The following HTR4 variants were observed in gnomAD, a reference collection of about 807,000 sequenced individuals.
HTR4 encodes the protein 5-hydroxytryptamine receptor 4.
A neutral mutation model predicts 36.8 loss-of-function variants in HTR4; 16 were observed. The observed-to-expected ratio is 0.43, with a 90% CI of 0.29 to 0.66. The LOEUF (loss-of-function observed/expected upper bound fraction) is 0.66, where lower values mean the gene tolerates loss of function less well. Ranked by LOEUF, HTR4 falls within the 30% of genes least tolerant of loss-of-function variation. The probability of loss-of-function intolerance (pLI) is 0.13; values close to 1 mark genes in which losing one functional copy is unlikely to be tolerated. For synonymous variants in HTR4, 189 were observed against 185.1 expected, an observed-to-expected ratio of 1.02 and a Z score of -0.17; for missense variants, 438 against 490.9, an observed-to-expected ratio of 0.89 and a Z score of 1.02.
intron 6 of HTR4, among the ~76,000 whole-genome samples, chr5:148,498,548 G>C (rs1317465222): frequency 6.6e-6 from 1 of 152,080 alleles, no homozygotes; most frequent in Non-Finnish European, 1.5e-5. Flanking sequence ...TAGAGAAGAG[G>C]AAGCCATAGT....
chr5:148,633,190 T>C (rs1753387696), intron 2 of HTR4, among the ~76,000 whole-genome samples: 1 of 152,094 alleles, frequency 6.6e-6, no homozygotes, highest in East Asian at 1.9e-4. Flanking sequence ...AGGGCCTGAT[T>C]CACTGCCAGC....
intron 5 of HTR4, among the ~76,000 whole-genome samples, chr5:148,520,466 G>C (rs1316003152): frequency 6.6e-6 from 1 of 152,118 alleles, no homozygotes; most frequent in African/African-American, 2.4e-5. Context: ...CACTTCCAAA[G>C]ATCTTCTCCA....
At chr5:148,609,121 C>T (rs1405679276) in intron 2 of HTR4, among the ~76,000 whole-genome samples, 1 of 151,978 alleles carries the variant, frequency 6.6e-6, no homozygotes. Flanking sequence ...GAGTGGGGAC[C>T]CCCTCGTTGC....
At chr5:148,653,912 C>T (rs2127322944) in intron 1 of HTR4, 150 bp downstream of exon 1, 1 of 326,218 alleles carries the variant, frequency 3.1e-6, no homozygotes, top group Non-Finnish European at 4.4e-6. Context: ...CCCTGAGCCG[C>T]CCCGAAGCCC....
intron 5 of HTR4, among the ~76,000 whole-genome samples, chr5:148,514,536 T>C (rs574780312): frequency 6.8e-4 from 104 of 152,286 alleles, no homozygotes; most frequent in Admixed American, 3.1e-3. Context: ...GTCATCAACC[T>C]TCTCTAGAAA....
At chr5:148,631,008 T>C (rs1753303109) in intron 2 of HTR4, among the ~76,000 whole-genome samples, 1 of 152,184 alleles carries the variant, frequency 6.6e-6, no homozygotes, top group South Asian at 2.1e-4. Context: ...TAGGATCACG[T>C]ATATGTAGAA....
rs756001193 is a variant in HTR4, at chr5:148,491,322, AT to A, written c.1077-8030del. ...TCAGTCGCCTTCTACGGCGCTATATATTTTTTTTTTTTTGGTCTTGCCTTAA... is the reference window on the plus strand; with the variant it reads ...TCAGTCGCCTTCTACGGCGCTATATATTTTTTTTTTTTGGTCTTGCCTTAA... On this transcript the variant is annotated intron_variant, in intron 6 of 6. Transcript: ENST00000377888. 2.1e-3 allele frequency among the ~76,000 whole-genome samples: 304 copies of A among 146,834 alleles called. 1 individual carries two copies. Among genetic ancestry groups the A allele is most frequent in the Middle Eastern group, 7.0e-3 (2 of 286 alleles).
At chr5:148,453,968 A>G (rs1755036904) in intron 5 of HTR4, among the ~76,000 whole-genome samples, 1 of 152,184 alleles carries the variant, frequency 6.6e-6, no homozygotes, top group South Asian at 2.1e-4. Context: ...CCCAGTAGCC[A>G]TTGTCTGATG....
intron 4 of HTR4, among the ~76,000 whole-genome samples, chr5:148,538,546 T>C (rs1222848775): frequency 1.3e-5 from 2 of 152,076 alleles, no homozygotes; most frequent in Non-Finnish European, 2.9e-5. Context: ...ACAAAATCAA[T>C]GTACAAAAAT....
intron 5 of HTR4, among the ~76,000 whole-genome samples, chr5:148,459,281 C>A (rs10463406): frequency 6.6e-6 from 1 of 151,880 alleles, no homozygotes; most frequent in Non-Finnish European, 1.5e-5. Flanking sequence ...GTGAGTTTCA[C>A]CTTCAGGAAC....
At chr5:148,588,309 A>T (rs577377671) in intron 2 of HTR4, among the ~76,000 whole-genome samples, 3 of 152,318 alleles carry the variant, frequency 2.0e-5, no homozygotes, top group Non-Finnish European at 4.4e-5. Context: ...TACAGAAAAT[A>T]TTACATAATG....
chr5:148,492,020 G>C (rs1728711806), intron 6 of HTR4, among the ~76,000 whole-genome samples: 1 of 152,208 alleles, frequency 6.6e-6, no homozygotes, highest in South Asian at 2.1e-4. Flanking sequence ...TTGAAGGCCA[G>C]GGCACCACAT....
downstream of HTR4, among the ~76,000 whole-genome samples, chr5:148,479,213 G>A (rs1755799226): frequency 6.6e-6 from 1 of 152,134 alleles, no homozygotes; most frequent in African/African-American, 2.4e-5. Context: ...GTGACAGACA[G>A]GCAGACAGGT....
chr5:148,628,807 T>C (rs1753214029), intron 2 of HTR4: 1 of 152,144 alleles, frequency 6.6e-6, no homozygotes, highest in Admixed American at 6.6e-5. Flanking sequence ...TCTAAGAAAT[T>C]GTAAATAATT....
At chr5:148,614,374 G>A (rs1202631656) in intron 2 of HTR4, among the ~76,000 whole-genome samples, 1 of 152,058 alleles carries the variant, frequency 6.6e-6, no homozygotes, top group Non-Finnish European at 1.5e-5. Context: ...CAGAAATAAT[G>A]CCGCATATCT....
chr5:148,463,828 C>G (rs1280105818), intron 5 of HTR4, among the ~76,000 whole-genome samples: 1 of 151,724 alleles, frequency 6.6e-6, no homozygotes, highest in Non-Finnish European at 1.5e-5. Flanking sequence ...TACCCAACTT[C>G]AAGACTTAAT....
intron 2 of HTR4, among the ~76,000 whole-genome samples, chr5:148,580,628 CT>C (rs1436928003): frequency 6.6e-6 from 1 of 152,070 alleles, no homozygotes; most frequent in Non-Finnish European, 1.5e-5. Context: ...CAATATTTGT[CT>C]TTCCGTGACC....
intron 2 of HTR4, among the ~76,000 whole-genome samples, chr5:148,614,583 A>G (rs934979055): frequency 6.6e-6 from 1 of 152,234 alleles, no homozygotes; most frequent in African/African-American, 2.4e-5. Context: ...AAACCCTAGA[A>G]GAAAACCTAG....
Position 148,637,034 on chromosome 5 carries a change from T to C in HTR4, c.-20A>G, listed in dbSNP as rs200139894. ...GTCCATTACAGGAAATAAGCATGAGTGAGTTGGATTTCAATGCCCACAGGG... is the reference window on the plus strand; with the variant it reads ...GTCCATTACAGGAAATAAGCATGAGCGAGTTGGATTTCAATGCCCACAGGG... On this transcript the variant is annotated 5_prime_UTR_variant, in exon 2 of 7. Transcript: ENST00000377888. 6.8e-6 allele frequency: 11 copies of C among 1,609,896 alleles called. No homozygotes were observed. Among genetic ancestry groups the C allele is most frequent in the Non-Finnish European group, 8.5e-6 (10 of 1,176,958 alleles).
Sources: gnomAD v4.1 joint callset for allele counts (sites outside exome capture counted in the v4.1 genomes callset) on GRCh38, gnomAD v4.1.1 for gene constraint, MANE v1.5 for transcripts, NCBI Gene and HGNC (gene_info 2026-07-23, HGNC 2026-07-21) for gene names.